The following ARL15 variants were observed in gnomAD, a reference collection of about 807,000 sequenced individuals.
ARL15 encodes ARF like GTPase 15.
Under a neutral mutation model 25.2 loss-of-function variants are expected in ARL15, and 19 were observed. The ratio of observed to expected loss-of-function variants is 0.75; its 90% CI spans 0.53 to 1.10. The LOEUF (loss-of-function observed/expected upper bound fraction) is 1.10, where lower values mean the gene tolerates loss of function less well. ARL15 is among the 50% of genes least tolerant of loss of function. The pLI is 0.00. For synonymous variants in ARL15, 94 were observed against 86.8 expected (o/e 1.08, Z -0.46); for missense variants, 220 against 246.0 (o/e 0.89, Z 0.71).
At chr5:53,926,418 C>T (rs1051629086) in intron 4 of ARL15, among the ~76,000 whole-genome samples, 2 of 152,018 alleles carry the variant, frequency 1.3e-5, no homozygotes, top group Non-Finnish European at 2.9e-5. Context: ...GGAAAAAAGT[C>T]CCCCCACCCC....
At chr5:54,029,941 G>T (rs1749923863) in intron 4 of ARL15, among the ~76,000 whole-genome samples, 1 of 152,074 alleles carries the variant, frequency 6.6e-6, no homozygotes, top group Admixed American at 6.6e-5. Flanking sequence ...AGCTTGCAGT[G>T]AGCAGAGATA....
intron 4 of ARL15, among the ~76,000 whole-genome samples, chr5:53,980,855 C>T (rs1290681569): frequency 6.6e-6 from 1 of 152,172 alleles, no homozygotes; most frequent in African/African-American, 2.4e-5. Context: ...GTGGTTCATT[C>T]TTGCAGTCCC....
At position 54,008,692 on chromosome 5, in the gene ARL15, C is replaced by A. The variant is rs555804256; in HGVS notation, c.462+104510G>T. Among the ~76,000 whole-genome samples the A allele has an allele frequency of 3.9e-5, 6 of 152,312 alleles. No individual in the cohort carries two copies. In the East Asian group the frequency reaches 9.6e-4, roughly 24 times the overall value. On this transcript the variant is annotated intron_variant, in intron 4 of 4. Transcript: ENST00000504924. ...TTTGACTGCTACTCTGTCATGTGAACAAGAGAAACACTGAAATCTTTTCCC... is the reference window on the plus strand; with the variant it reads ...TTTGACTGCTACTCTGTCATGTGAAAAAGAGAAACACTGAAATCTTTTCCC...
intron 1 of ARL15, among the ~76,000 whole-genome samples, chr5:54,201,663 T>C (rs1755728213): frequency 6.6e-6 from 1 of 152,106 alleles, no homozygotes; most frequent in Admixed American, 6.6e-5. Flanking sequence ...TGGCTATGAA[T>C]TCCTACCTCC....
intron 4 of ARL15, among the ~76,000 whole-genome samples, chr5:54,095,751 A>T (rs1752265968): frequency 6.6e-6 from 1 of 152,092 alleles, no homozygotes; most frequent in Admixed American, 6.6e-5. Flanking sequence ...ATTTCAATTG[A>T]GCTCATTTGT....
chr5:54,228,731 C>T (rs1756591703), intron 1 of ARL15, among the ~76,000 whole-genome samples: 1 of 152,146 alleles, frequency 6.6e-6, no homozygotes, highest in South Asian at 2.1e-4. Flanking sequence ...AAAATATTCC[C>T]TTTAATGAAT....
rs1258671964 is a variant in ARL15, at chr5:54,124,451, G to GA, written c.254-11042dup. 9.2e-5 allele frequency among the ~76,000 whole-genome samples: 14 copies of GA among 151,990 alleles called. No homozygotes were observed. The South Asian group carries it at 1.2e-3, about 14-fold the overall frequency. On this transcript the variant is annotated intron_variant, in intron 3 of 4. Coordinates refer to ENST00000504924, the MANE Select transcript of ARL15 (RefSeq NM_019087.3). Reference sequence around the variant, plus strand: ...TCTTATATACAAATGACTGACCACAGAAAAAAATAGCAAAGAAAAAAACAC... The same window carrying GA: ...TCTTATATACAAATGACTGACCACAGAAAAAAAATAGCAAAGAAAAAAACAC...
At chr5:54,302,102 TC>T (rs1264527686) in intron 1 of ARL15, among the ~76,000 whole-genome samples, 8 of 152,168 alleles carry the variant, frequency 5.3e-5, no homozygotes. Flanking sequence ...CACACAACTT[TC>T]CCAGTGGGAG....
intron 1 of ARL15, among the ~76,000 whole-genome samples, chr5:54,226,553 G>C (rs1351870040): frequency 6.6e-6 from 1 of 152,098 alleles, no homozygotes; most frequent in Non-Finnish European, 1.5e-5. Flanking sequence ...CAAAGGAGAA[G>C]AAAATGGAGG....
At chr5:54,018,838 A>T (rs1749503125) in intron 4 of ARL15, among the ~76,000 whole-genome samples, 1 of 152,216 alleles carries the variant, frequency 6.6e-6, no homozygotes. Flanking sequence ...AACATGTAAG[A>T]AAGTTTCTCC....
chr5:54,031,104 T>C (rs1749969161), intron 4 of ARL15, among the ~76,000 whole-genome samples: 1 of 152,160 alleles, frequency 6.6e-6, no homozygotes, highest in Non-Finnish European at 1.5e-5. Flanking sequence ...AGGGGGAGTC[T>C]AAGATCATGG....
intron 1 of ARL15, among the ~76,000 whole-genome samples, chr5:54,245,417 A>T (rs1757063140): frequency 6.6e-6 from 1 of 152,206 alleles, no homozygotes. Flanking sequence ...TAATTTTTAA[A>T]ATCTCTTAAA....
At chr5:54,136,139 C>T (rs1181154167) in intron 3 of ARL15, among the ~76,000 whole-genome samples, 2 of 152,010 alleles carry the variant, frequency 1.3e-5, no homozygotes, top group Non-Finnish European at 2.9e-5. Context: ...AGCTTTATTC[C>T]CACTCTCTTT....
chr5:53,976,562 G>T (rs1747931641), intron 4 of ARL15, among the ~76,000 whole-genome samples: 1 of 152,210 alleles, frequency 6.6e-6, no homozygotes, highest in African/African-American at 2.4e-5. Context: ...AAATGTGGAG[G>T]GGCAAGGCTG....
At chr5:54,162,277 C>T (rs1354835812) in intron 2 of ARL15, among the ~76,000 whole-genome samples, 2 of 152,124 alleles carry the variant, frequency 1.3e-5, no homozygotes, top group Admixed American at 6.5e-5. Context: ...CAAGCATCTA[C>T]CCCTTTTCTC....
At position 54,045,767 on chromosome 5, in the gene ARL15, C is replaced by A. The variant is rs192562518; in HGVS notation, c.462+67435G>T. On this transcript the variant is annotated intron_variant, in intron 4 of 4. Coordinates refer to ENST00000504924, the MANE Select transcript of ARL15 (RefSeq NM_019087.3). ...TCAGAAATGACTTAGCATTTACCCC[C>A]CAGTCAACAGAAGGCAATGAATTCC... Among the ~76,000 whole-genome samples the A allele has an allele frequency of 1.5e-3, 222 of 152,286 alleles. 5 individuals carry two copies. Among genetic ancestry groups the A allele is most frequent in the Admixed American group, 0.014 (219 of 15,294 alleles).
At chr5:54,008,871 A>G (rs938302336) in intron 4 of ARL15, among the ~76,000 whole-genome samples, 5 of 152,230 alleles carry the variant, frequency 3.3e-5, no homozygotes, top group Admixed American at 1.3e-4. Context: ...ATCATTTTGC[A>G]TCTCTGTTAT....
chr5:53,895,436 A>C (rs1238406386), intron 4 of ARL15, among the ~76,000 whole-genome samples: 1 of 152,202 alleles, frequency 6.6e-6, no homozygotes, highest in Non-Finnish European at 1.5e-5. Flanking sequence ...TGCTAAGACC[A>C]CAAGAACAAG....
At chr5:54,159,720 C>A (rs1004255853) in intron 2 of ARL15, among the ~76,000 whole-genome samples, 1 of 152,138 alleles carries the variant, frequency 6.6e-6, no homozygotes, top group Non-Finnish European at 1.5e-5. Flanking sequence ...TGAAACCTCC[C>A]CTAAGATTTA....
Sources: gnomAD v4.1 joint callset for allele counts (sites outside exome capture counted in the v4.1 genomes callset) on GRCh38, gnomAD v4.1.1 for gene constraint, MANE v1.5 for transcripts, NCBI Gene and HGNC (gene_info 2026-07-23, HGNC 2026-07-21) for gene names.